The following PLGRKT variants were observed in gnomAD, a reference collection of about 807,000 sequenced individuals.
PLGRKT encodes plasminogen receptor with a C-terminal lysine.
In PLGRKT, 22 loss-of-function variants were observed where a neutral mutation model predicts 18.5. The observed-to-expected ratio is 1.19, with a 90% CI of 0.85 to 1.70. PLGRKT has a LOEUF of 1.70. PLGRKT is among the 40% of genes most tolerant of loss of function. PLGRKT has a pLI of 0.00. For synonymous variants in PLGRKT, 72 were observed against 52.8 expected, an observed-to-expected ratio of 1.36 and a Z score of -1.58; for missense variants, 235 against 174.4, an observed-to-expected ratio of 1.35 and a Z score of -1.96.
chr9:5,401,977 C>G (rs1251587308), intron 3 of PLGRKT, among the ~76,000 whole-genome samples: 1 of 151,698 alleles, frequency 6.6e-6, no homozygotes, highest in African/African-American at 2.4e-5. Flanking sequence ...CTAATTACCA[C>G]AGTTACAGCA....
At chr9:5,426,314 A>G (rs1267959554) in intron 3 of PLGRKT, among the ~76,000 whole-genome samples, 1 of 152,154 alleles carries the variant, frequency 6.6e-6, no homozygotes, top group African/African-American at 2.4e-5. Context: ...ATATAAATAT[A>G]CTCTGTGGTA....
At chr9:5,376,714 G>GA (rs906351456) in intron 3 of PLGRKT, among the ~76,000 whole-genome samples, 1 of 152,088 alleles carries the variant, frequency 6.6e-6, no homozygotes, top group Non-Finnish European at 1.5e-5. Flanking sequence ...TTGTTAAATG[G>GA]AAAAAGCAAG....
intron 3 of PLGRKT, among the ~76,000 whole-genome samples, chr9:5,415,999 T>C (rs920848715): frequency 2.0e-5 from 3 of 151,802 alleles, no homozygotes; most frequent in African/African-American, 7.3e-5. Flanking sequence ...CCAATATTAA[T>C]CTCCTGGTTT....
chr9:5,420,524 G>A (rs553501567), intron 3 of PLGRKT, among the ~76,000 whole-genome samples: 72 of 152,238 alleles, frequency 4.7e-4, no homozygotes, highest in African/African-American at 1.6e-3. Flanking sequence ...GCCCCAGAAC[G>A]AAAAGCTAAA....
chr9:5,394,766 T>C (rs999195724), intron 3 of PLGRKT, among the ~76,000 whole-genome samples: 1 of 151,932 alleles, frequency 6.6e-6, no homozygotes, highest in Non-Finnish European at 1.5e-5. Context: ...AAATATTGGA[T>C]GCTATAACAA....
At chr9:5,409,552 G>T (rs1818321592) in intron 3 of PLGRKT, among the ~76,000 whole-genome samples, 1 of 152,146 alleles carries the variant, frequency 6.6e-6, no homozygotes, top group African/African-American at 2.4e-5. Flanking sequence ...TATATACCCA[G>T]AGTGGTAGAT....
intron 3 of PLGRKT, among the ~76,000 whole-genome samples, chr9:5,384,536 T>C (rs2131099517): frequency 6.6e-6 from 1 of 152,208 alleles, no homozygotes. Context: ...AAAGTCAAAA[T>C]TTCATTTAAA....
At chr9:5,426,166 C>A (rs1369313046) in intron 3 of PLGRKT, among the ~76,000 whole-genome samples, 1 of 152,168 alleles carries the variant, frequency 6.6e-6, no homozygotes, top group Non-Finnish European at 1.5e-5. Context: ...TCCAGCCCAG[C>A]CTTAGCTATT....
intron 3 of PLGRKT, among the ~76,000 whole-genome samples, chr9:5,429,618 T>C (rs532380773): frequency 1.3e-5 from 2 of 152,282 alleles, no homozygotes; most frequent in East Asian, 1.9e-4. Flanking sequence ...TGGTCTTGTA[T>C]CCAAATTTCT....
At chr9:5,386,462 C>T (rs1817845134) in intron 3 of PLGRKT, among the ~76,000 whole-genome samples, 2 of 151,940 alleles carry the variant, frequency 1.3e-5, no homozygotes, top group Admixed American at 6.5e-5. Flanking sequence ...GTCAAGGATG[C>T]TGCTGAACAT....
At chr9:5,415,531 G>A (rs1203416673) in intron 3 of PLGRKT, among the ~76,000 whole-genome samples, 2 of 152,072 alleles carry the variant, frequency 1.3e-5, no homozygotes, top group Non-Finnish European at 2.9e-5. Context: ...TCTCCTCAAA[G>A]ATATTTATCA....
rs988696918 is a variant in PLGRKT, at chr9:5,403,662, C to A, written c.81+28235G>T. 2.0e-5 allele frequency among the ~76,000 whole-genome samples: 3 copies of A among 152,208 alleles called. No individual in the cohort carries two copies. The South Asian group carries it at 6.2e-4, about 31-fold the overall frequency. Reference sequence around the variant, plus strand: ...TAACCAGAAGTTTAAAATTTAATCTCATTCTATGTTCTCTATTGAGTAAAC... The same window carrying A: ...TAACCAGAAGTTTAAAATTTAATCTAATTCTATGTTCTCTATTGAGTAAAC... On this transcript the variant is annotated intron_variant, in intron 3 of 5. Coordinates refer to ENST00000223864, the MANE Select transcript of PLGRKT (RefSeq NM_018465.4).
intron 3 of PLGRKT, among the ~76,000 whole-genome samples, chr9:5,429,943 G>A (rs1424772993): frequency 6.6e-6 from 1 of 152,126 alleles, no homozygotes; most frequent in Non-Finnish European, 1.5e-5. Flanking sequence ...TACGAGGAGA[G>A]TAGCTCCCAC....
intron 5 of PLGRKT, among the ~76,000 whole-genome samples, chr9:5,359,609 T>C (rs1267169389): frequency 1.3e-5 from 2 of 152,216 alleles, no homozygotes; most frequent in Non-Finnish European, 2.9e-5. Context: ...ATAAACTCAG[T>C]CGAATAGGGA....
chr9:5,361,865 C>G lies in PLGRKT; in HGVS notation c.105G>C (p.Gln35His), dbSNP rs1261433810. ...CCATTTGTCTTTCCCTCATTTCACTCTGCATGATGAGCTGCCTTTCCAGCT... is the reference window on the plus strand; with the variant it reads ...CCATTTGTCTTTCCCTCATTTCACTGTGCATGATGAGCTGCCTTTCCAGCT... ...RLQLERQLIM[Q>H]SEMRERQMAM... Residue 35 changes from glutamine to histidine, a missense_variant, in exon 4 of 6, where the codon CAG becomes CAC. Transcript: ENST00000223864. 9.9e-6 allele frequency: 16 copies of G among 1,612,954 alleles called. No individual in the cohort carries two copies. Among genetic ancestry groups the G allele is most frequent in the Non-Finnish European group, 1.4e-5 (16 of 1,179,586 alleles).
At chr9:5,393,657 T>C (rs1242124143) in intron 3 of PLGRKT, among the ~76,000 whole-genome samples, 1 of 151,890 alleles carries the variant, frequency 6.6e-6, no homozygotes, top group South Asian at 2.1e-4. Context: ...TTTTCAATCT[T>C]TTGGAATCAG....
chr9:5,434,764 T>C (rs1318250476), intron 2 of PLGRKT, among the ~76,000 whole-genome samples: 1 of 151,532 alleles, frequency 6.6e-6, no homozygotes, highest in Admixed American at 6.6e-5. Flanking sequence ...GTCTGGGAAG[T>C]GAGGTGTGCC....
chr9:5,391,313 C>A (rs1057438810), intron 3 of PLGRKT, among the ~76,000 whole-genome samples: 1 of 151,920 alleles, frequency 6.6e-6, no homozygotes, highest in East Asian at 1.9e-4. Flanking sequence ...AAACAGCCAA[C>A]ATGTCTTGAA....
At chr9:5,373,254 T>C (rs1213833367) in intron 3 of PLGRKT, among the ~76,000 whole-genome samples, 3 of 152,158 alleles carry the variant, frequency 2.0e-5, no homozygotes, top group African/African-American at 4.8e-5. Context: ...TCCACTGTAG[T>C]GTGTAATTTT....
Sources: allele counts gnomAD v4.1 joint callset (sites outside exome capture counted in the v4.1 genomes callset), GRCh38; gene constraint gnomAD v4.1.1; transcripts MANE v1.5; gene names NCBI Gene and HGNC (gene_info 2026-07-23, HGNC 2026-07-21).